The following LSM5 variants were observed in gnomAD, a reference collection of about 807,000 sequenced individuals.
LSM5 encodes LSM5 homolog, U6 small nuclear RNA and mRNA degradation associated.
Under a neutral mutation model 13.8 loss-of-function variants are expected in LSM5, and 8 were observed. That is an observed-to-expected ratio of 0.58 (90% confidence interval 0.34 to 1.04). LSM5 has a LOEUF of 1.04. LSM5 is among the 50% of genes least tolerant of loss of function. LSM5 has a pLI of 0.03. For synonymous variants in LSM5, 35 were observed against 37.0 expected, an observed-to-expected ratio of 0.95 and a Z score of 0.20; for missense variants, 80 against 108.1, an observed-to-expected ratio of 0.74 and a Z score of 1.15.
chr7:32,486,281 A>G lies in LSM5; in HGVS notation c.*980T>C, dbSNP rs902050248. Reference sequence around the variant, plus strand: ...ATATTAATGTTGAAATATTTGACACAGAAAGATATTCACCATTTAAATTCA... The same window carrying G: ...ATATTAATGTTGAAATATTTGACACGGAAAGATATTCACCATTTAAATTCA... On this transcript the variant is annotated 3_prime_UTR_variant, in exon 5 of 5. Transcript: ENST00000450169. 2.0e-5 allele frequency: 3 copies of G among 152,368 alleles called. No individual in the cohort carries two copies. The highest frequency in any genetic ancestry group is 2.9e-5 in the Non-Finnish European group (2 of 68,032). The allele number at this position is 152,368 out of a possible 1,614,324, so 9.4% of individuals were successfully genotyped here. A position where few individuals can be genotyped will look rare whatever the true frequency, so the allele number is the denominator to read the frequency against.
At chr7:32,491,395 C>T (rs1286845553), upstream of LSM5, among the ~76,000 whole-genome samples, 1 of 52,842 alleles carries the variant, frequency 1.9e-5, no homozygotes, top group Non-Finnish European at 4.1e-5. Context: ...GAAACTCCAT[C>T]TCAAAAAAAA....
In LSM5 at chr7:32,487,653, C is replaced by T. The variant is rs775337709; in HGVS notation, c.243+32G>A. 5.1e-6 allele frequency: 6 copies of T among 1,182,102 alleles called. No homozygotes were observed. The East Asian group carries it at 1.4e-4, about 28-fold the overall frequency. The allele number at this position is 1,182,102 out of a possible 1,614,324, so 73.2% of individuals were successfully genotyped here. ...TCACTGCTCCCCAAAAATGGGCTCCCATCAAAATAAAACAGTTTCAATGTG... is the reference window on the plus strand; with the variant it reads ...TCACTGCTCCCCAAAAATGGGCTCCTATCAAAATAAAACAGTTTCAATGTG... On this transcript the variant is annotated intron_variant, in intron 4 of 4. Coordinates refer to ENST00000450169, the MANE Select transcript of LSM5 (RefSeq NM_012322.3).
At chr7:32,490,661 T>C, upstream of LSM5, 2 of 437,070 alleles carry the variant, frequency 4.6e-6, no homozygotes, top group South Asian at 4.8e-5. Flanking sequence ...CGTTTGAGTC[T>C]TCTTCCCCCG....
intron 1 of LSM5, 66 bp from the exon 2 acceptor site, chr7:32,489,410 A>G (rs1032185675): frequency 3.5e-6 from 3 of 858,422 alleles, no homozygotes; most frequent in Non-Finnish European, 3.9e-6. Context: ...GCCTACTGGC[A>G]CTCTTACTTG....
upstream of LSM5, chr7:32,490,432 T>C: frequency 2.9e-6 from 4 of 1,368,228 alleles, no homozygotes; most frequent in South Asian, 3.5e-5. Context: ...CTTCCGCTTT[T>C]TCCGCAGCCC....
At chr7:32,489,920 G>A (rs1433206719) in intron 1 of LSM5, 4 of 663,402 alleles carry the variant, frequency 6.0e-6, no homozygotes, top group Middle Eastern at 6.0e-4. Context: ...CTCATTTAAG[G>A]CTCATTCCGG....
Position 32,489,403 on chromosome 7 carries a change from T to C in LSM5, c.47-59A>G, listed in dbSNP as rs535383502. Reference sequence around the variant, plus strand: ...TTATTTCAACAAATATTTGAGTGCCTACTGGCACTCTTACTTGCATATAGT... The same window carrying C: ...TTATTTCAACAAATATTTGAGTGCCCACTGGCACTCTTACTTGCATATAGT... On this transcript the variant is annotated intron_variant, in intron 1 of 4. Transcript: ENST00000450169. 2.4e-4 allele frequency: 217 copies of C among 911,002 alleles called. 3 individuals carry two copies. The Middle Eastern group carries it at 3.4e-3, about 14-fold the overall frequency. 56.4% of individuals were successfully genotyped at this position (911,002 alleles called of 1,614,324 possible). A position where few individuals can be genotyped will look rare whatever the true frequency, so the allele number is the denominator to read the frequency against.
chr7:32,487,684 C>T lies in LSM5; in HGVS notation c.243+1G>A. 1 of 1,460,580 alleles carries T rather than the reference C, an allele frequency of 6.8e-7. No individual in the cohort carries two copies. Among genetic ancestry groups the T allele is most frequent in the Non-Finnish European group, 9.6e-7 (1 of 1,040,752 alleles). 90.5% of individuals were successfully genotyped at this position (1,460,580 alleles called of 1,614,324 possible). A position where few individuals can be genotyped will look rare whatever the true frequency, so the allele number is the denominator to read the frequency against. On this transcript the variant is annotated splice_donor_variant, in intron 4 of 4. Coordinates refer to ENST00000450169, the MANE Select transcript of LSM5 (RefSeq NM_012322.3). LOFTEE classifies it high-confidence loss of function. ...AATAAAACAGTTTCAATGTGTCTTA[C>T]CATTGTTATATTATTTCCATTTAGC...
chr7:32,492,812 C>T (rs1021050311), upstream of LSM5, among the ~76,000 whole-genome samples: 1 of 152,040 alleles, frequency 6.6e-6, no homozygotes, highest in African/African-American at 2.4e-5. Flanking sequence ...AAGTAGAAGA[C>T]GTAAAATAGA....
intron 3 of LSM5, 166 bp from the exon 4 acceptor site, chr7:32,487,923 TA>T (rs1786486264): frequency 1.8e-6 from 1 of 551,740 alleles, no homozygotes; most frequent in Non-Finnish European, 3.3e-6. Flanking sequence ...CTAGGTAATG[TA>T]ACCTTCATTA....
rs58033609 is a variant in LSM5, at chr7:32,489,334, G to T, written c.57C>A (p.Asp19Glu). 6.3e-7 allele frequency: 1 copy of T among 1,588,332 alleles called. No individual in the cohort carries two copies. ...TGTGAATTCTTGATCCTATACATTT[G>T]TCCACAAGCTCTGAGGAGGGAAAAA... ...PSQLLPLELV[D>E]KCIGSRIHIV... Residue 19 changes from aspartate (D) to glutamate (E), a missense_variant, in exon 2 of 5, where the codon GAC becomes GAA. Asp to Glu is a conservative substitution (Grantham distance 45). Transcript: ENST00000450169.
chr7:32,490,072 G>T (rs999840694), intron 1 of LSM5: 33 of 1,480,756 alleles, frequency 2.2e-5, no homozygotes, highest in Middle Eastern at 1.8e-4. Context: ...CCGACGACGC[G>T]TTCACTAAAT....
At chr7:32,489,096 C>A (rs954409002) in intron 2 of LSM5, 153 bp downstream of exon 2, 11 of 565,224 alleles carry the variant, frequency 1.9e-5, no homozygotes, top group Admixed American at 3.7e-5. Context: ...GGAACTTTAC[C>A]GTCTTTCAAT....
At chr7:32,487,990 C>A in intron 3 of LSM5, 6 of 414,340 alleles carry the variant, frequency 1.4e-5, no homozygotes, top group South Asian at 6.1e-5. Flanking sequence ...GACAGAGCTT[C>A]ATAAAAAGAA....
intron 3 of LSM5, chr7:32,488,389 T>G (rs558114402): frequency 1.4e-5 from 6 of 427,466 alleles, no homozygotes; most frequent in African/African-American, 1.2e-4. Flanking sequence ...AATTCCTGGC[T>G]CTTTTTGTTA....
At position 32,486,902 on chromosome 7, in the gene LSM5, C is replaced by A; in HGVS notation, c.*359G>T. The A allele has an allele frequency of 4.5e-6, 1 of 222,354 alleles. No individual in the cohort carries two copies. Among genetic ancestry groups the A allele is most frequent in the Non-Finnish European group, 8.7e-6 (1 of 114,460 alleles). 13.8% of individuals were successfully genotyped at this position (222,354 alleles called of 1,614,324 possible). A position where few individuals can be genotyped will look rare whatever the true frequency, so the allele number is the denominator to read the frequency against. ...TCAAAGTTCATCATTTTGTTTGGAA[C>A]AACTTTTGTTTGAGAATCAAATGGT... On this transcript the variant is annotated 3_prime_UTR_variant, in exon 5 of 5. Coordinates refer to ENST00000450169, the MANE Select transcript of LSM5 (RefSeq NM_012322.3).
At chr7:32,490,176 G>T in intron 1 of LSM5, 144 bp downstream of exon 1, 1 of 1,556,772 alleles carries the variant, frequency 6.4e-7, no homozygotes, top group Non-Finnish European at 8.7e-7. Flanking sequence ...GCCTGCTGTC[G>T]CGAAGACTTG....
At chr7:32,493,272 C>G (rs1307955082), upstream of LSM5, among the ~76,000 whole-genome samples, 1 of 152,148 alleles carries the variant, frequency 6.6e-6, no homozygotes, top group African/African-American at 2.4e-5. Flanking sequence ...GCTACCAAGT[C>G]TGGCTATTTA....
At chr7:32,493,214 G>T (rs1002008335), upstream of LSM5, among the ~76,000 whole-genome samples, 1 of 152,174 alleles carries the variant, frequency 6.6e-6, no homozygotes, top group African/African-American at 2.4e-5. Flanking sequence ...GCGGACTCAA[G>T]CAATCCTCCC....
Sources: allele counts gnomAD v4.1 joint callset (sites outside exome capture counted in the v4.1 genomes callset), GRCh38; gene constraint gnomAD v4.1.1; transcripts MANE v1.5; gene names NCBI Gene and HGNC (gene_info 2026-07-23, HGNC 2026-07-21).